Variants in BICD1 observed in about 807,000 individuals in gnomAD.
The protein encoded by BICD1 is BICD cargo adaptor 1.
Under a neutral mutation model 92.5 loss-of-function variants are expected in BICD1, and 35 were observed. The ratio of observed to expected loss-of-function variants is 0.38; its 90% CI spans 0.29 to 0.50. The LOEUF (loss-of-function observed/expected upper bound fraction) is 0.50, where lower values mean the gene tolerates loss of function less well. Among genes scored for constraint, BICD1 ranks in the 20% least tolerant of loss-of-function variants. BICD1 has a pLI of 0.93. For synonymous variants in BICD1, 429 were observed against 465.1 expected (o/e 0.92, Z 1.00); for missense variants, 950 against 1,189.8 (o/e 0.80, Z 2.97).
At chr12:32,367,080 A>T (rs1939551067) in intron 8 of BICD1, among the ~76,000 whole-genome samples, 2 of 152,256 alleles carry the variant, frequency 1.3e-5, no homozygotes, top group African/African-American at 4.8e-5. Context: ...TGTAATAGAC[A>T]TTCTAAGATT....
At chr12:32,139,602 C>T (rs7297498) in intron 1 of BICD1, among the ~76,000 whole-genome samples, 5,422 of 152,282 alleles carry the variant, frequency 0.036, 307 homozygotes, top group African/African-American at 0.12. Flanking sequence ...CTCGCTCTGT[C>T]GCCAGGCTGG....
At chr12:32,326,906 T>C (rs1307017597) in intron 4 of BICD1, among the ~76,000 whole-genome samples, 4 of 152,112 alleles carry the variant, frequency 2.6e-5, no homozygotes, top group African/African-American at 4.8e-5. Context: ...AACTATCAAA[T>C]GTAGTGCGTG....
At chr12:32,134,739 G>A (rs951152861) in intron 1 of BICD1, among the ~76,000 whole-genome samples, 5 of 152,266 alleles carry the variant, frequency 3.3e-5, no homozygotes, top group African/African-American at 9.6e-5. Flanking sequence ...TTTGTTTTGC[G>A]ATGACTGTGT....
chr12:32,355,214 T>C (rs1939050851), intron 8 of BICD1, among the ~76,000 whole-genome samples: 2 of 152,250 alleles, frequency 1.3e-5, no homozygotes, highest in East Asian at 3.8e-4. Flanking sequence ...AGATAATATT[T>C]ATCCATTCTT....
chr12:32,365,529 A>G (rs777462437), intron 8 of BICD1, among the ~76,000 whole-genome samples: 1 of 152,248 alleles, frequency 6.6e-6, no homozygotes, highest in South Asian at 2.1e-4. Flanking sequence ...AAGGATCGCT[A>G]TTCCACAGAG....
intron 4 of BICD1, among the ~76,000 whole-genome samples, chr12:32,312,641 C>T (rs1948410034): frequency 6.6e-6 from 1 of 152,090 alleles, no homozygotes; most frequent in African/African-American, 2.4e-5. Flanking sequence ...GAATTGTATG[C>T]CTTCCTAGGT....
At chr12:32,294,686 T>G (rs1947817635) in intron 3 of BICD1, among the ~76,000 whole-genome samples, 1 of 144,588 alleles carries the variant, frequency 6.9e-6, no homozygotes, top group African/African-American at 2.5e-5. Context: ...AGGGTCTCCC[T>G]ACAATCACTG....
intron 3 of BICD1, among the ~76,000 whole-genome samples, chr12:32,303,517 C>A (rs1948122361): frequency 6.6e-6 from 1 of 152,160 alleles, no homozygotes; most frequent in Admixed American, 6.5e-5. Context: ...CTCCTCCTCG[C>A]AGCCAAATGG....
intron 1 of BICD1, among the ~76,000 whole-genome samples, chr12:32,124,082 G>T (rs1473285172): frequency 6.6e-6 from 1 of 152,164 alleles, no homozygotes; most frequent in Non-Finnish European, 1.5e-5. Context: ...CTATCCAGTA[G>T]ACCCTAGCCA....
chr12:32,365,035 A>C (rs1011275594), intron 8 of BICD1, among the ~76,000 whole-genome samples: 1 of 152,210 alleles, frequency 6.6e-6, no homozygotes, highest in African/African-American at 2.4e-5. Context: ...CAGGAGTTAG[A>C]GACCAGCCTG....
intron 2 of BICD1, among the ~76,000 whole-genome samples, chr12:32,259,192 A>C (rs972066043): frequency 1.3e-5 from 2 of 152,256 alleles, no homozygotes; most frequent in African/African-American, 4.8e-5. Flanking sequence ...TATTAGTAAC[A>C]CAACAAAGAG....
At chr12:32,230,922 G>T (rs1945867166) in intron 2 of BICD1, among the ~76,000 whole-genome samples, 1 of 152,176 alleles carries the variant, frequency 6.6e-6, no homozygotes, top group Non-Finnish European at 1.5e-5. Context: ...AGTGAATATT[G>T]ATTGGTCATA....
chr12:32,241,391 G>A (rs536993436), intron 2 of BICD1, among the ~76,000 whole-genome samples: 9 of 152,146 alleles, frequency 5.9e-5, no homozygotes, highest in Non-Finnish European at 1.3e-4. Flanking sequence ...CTCTCCCCAT[G>A]GACTGCACCT....
intron 1 of BICD1, among the ~76,000 whole-genome samples, chr12:32,125,836 G>A (rs532164472): frequency 2.2e-4 from 33 of 151,092 alleles, no homozygotes; most frequent in African/African-American, 6.8e-4. Context: ...GAGCTCAGGA[G>A]TTTGAGACCT....
chr12:32,295,729 C>T (rs1947850387), intron 3 of BICD1, among the ~76,000 whole-genome samples: 1 of 151,028 alleles, frequency 6.6e-6, no homozygotes, highest in African/African-American at 2.4e-5. Flanking sequence ...TCTCAGCTCA[C>T]TGCAACCTCC....
intron 2 of BICD1, among the ~76,000 whole-genome samples, chr12:32,233,005 A>G (rs1370307706): frequency 2.0e-5 from 3 of 152,228 alleles, no homozygotes; most frequent in African/African-American, 7.2e-5. Context: ...AGCATTGCCC[A>G]GGACATAATG....
chr12:32,176,488 T>C (rs1294920044), intron 1 of BICD1, among the ~76,000 whole-genome samples: 1 of 152,246 alleles, frequency 6.6e-6, no homozygotes, highest in East Asian at 1.9e-4. Context: ...GACACATGTA[T>C]ACATGCATGT....
At chr12:32,296,785 GTA>G (rs1947886897) in intron 3 of BICD1, among the ~76,000 whole-genome samples, 1 of 152,162 alleles carries the variant, frequency 6.6e-6, no homozygotes, top group Admixed American at 6.5e-5. Context: ...ATGAAGGCCA[GTA>G]TTAGATATTC....
intron 8 of BICD1, among the ~76,000 whole-genome samples, chr12:32,351,176 A>AAC (rs919954375): frequency 6.7e-6 from 1 of 149,340 alleles, no homozygotes; most frequent in Non-Finnish European, 1.5e-5. Context: ...AAAAAAAAAA[A>AAC]AAAACTTCCA....
Sources: allele counts gnomAD v4.1 joint callset (sites outside exome capture counted in the v4.1 genomes callset), GRCh38; gene constraint gnomAD v4.1.1; transcripts MANE v1.5; gene names NCBI Gene and HGNC (gene_info 2026-07-23, HGNC 2026-07-21).